The following PDE1C variants were observed in gnomAD, a reference collection of about 807,000 sequenced individuals.
PDE1C encodes the protein dual specificity calcium/calmodulin-dependent 3',5'-cyclic nucleotide phosphodiesterase 1C.
In PDE1C, 62 loss-of-function variants were observed where a neutral mutation model predicts 93.1. The observed-to-expected ratio is 0.67, with a 90% CI of 0.54 to 0.82. PDE1C has a LOEUF of 0.82. Ranked by LOEUF, PDE1C falls within the 40% of genes least tolerant of loss-of-function variation. The pLI, the probability that PDE1C is intolerant of heterozygous loss-of-function variation, is 0.00. For synonymous variants in PDE1C, 325 were observed against 310.1 expected, an observed-to-expected ratio of 1.05 and a Z score of -0.50; for missense variants, 742 against 884.6, an observed-to-expected ratio of 0.84 and a Z score of 2.04.
chr7:31,670,276 G>T, the PDE1C span, among the ~76,000 whole-genome samples: 6 of 152,186 alleles, frequency 3.9e-5, no homozygotes, highest in Non-Finnish European at 8.8e-5. Flanking sequence ...CATGTCCTTT[G>T]ACCACCATTC....
the PDE1C span, among the ~76,000 whole-genome samples, chr7:31,744,457 G>A: frequency 2.6e-5 from 4 of 152,126 alleles, no homozygotes; most frequent in East Asian, 1.9e-4. Context: ...TGAAACTCAT[G>A]CCTCTACAGG....
chr7:32,019,384 TATG>T (rs940272142), intron 2 of PDE1C, among the ~76,000 whole-genome samples: 3 of 152,036 alleles, frequency 2.0e-5, no homozygotes, highest in Non-Finnish European at 4.4e-5. Flanking sequence ...ACACATACAA[TATG>T]GTTGGTGCAC....
rs1029616900 is a variant in PDE1C at position 32,140,354 on chromosome 7, A to T, written c.308+29431T>A. On this transcript the variant is annotated intron_variant, in intron 3 of 18. Coordinates refer to the PDE1C transcript ENST00000396193. ...TTCTCTTCCAGCCTCTGCCTCTTAG[A>T]ACCGTATGTCACAAAGAGCATGTGA... 2.6e-5 allele frequency among the ~76,000 whole-genome samples: 4 copies of T among 152,326 alleles called. No homozygotes were observed. The South Asian group carries it at 8.3e-4, about 32-fold the overall frequency.
At chr7:31,661,893 A>AT in the PDE1C span, among the ~76,000 whole-genome samples, 1 of 151,160 alleles carries the variant, frequency 6.6e-6, no homozygotes, top group African/African-American at 2.4e-5. Context: ...TTCTTTTTCC[A>AT]TTTTTCCTGA....
chr7:32,272,687 T>G (rs62457494), intron 1 of PDE1C, among the ~76,000 whole-genome samples: 14,809 of 152,284 alleles, frequency 0.097, 765 homozygotes, highest in Non-Finnish European at 0.1. Flanking sequence ...ATGAAATGAC[T>G]TAACGATTGT....
At chr7:32,143,468 C>A (rs1309932739) in intron 3 of PDE1C, among the ~76,000 whole-genome samples, 1 of 151,966 alleles carries the variant, frequency 6.6e-6, no homozygotes, top group Non-Finnish European at 1.5e-5. Flanking sequence ...CTGACCGTGA[C>A]TTTACGTGAC....
At chr7:31,782,781 A>G (rs1783529375) in intron 16 of PDE1C, among the ~76,000 whole-genome samples, 1 of 152,212 alleles carries the variant, frequency 6.6e-6, no homozygotes, top group Non-Finnish European at 1.5e-5. Context: ...CTCAGAAGAA[A>G]CCGTATATAA....
chr7:32,060,840 G>T (rs1487021728), intron 1 of PDE1C, among the ~76,000 whole-genome samples: 7 of 152,104 alleles, frequency 4.6e-5, no homozygotes, highest in African/African-American at 9.7e-5. Context: ...AGCTAGGAAA[G>T]GCCTTATTTA....
At chr7:32,063,086 G>A (rs1441567491) in intron 1 of PDE1C, among the ~76,000 whole-genome samples, 2 of 152,092 alleles carry the variant, frequency 1.3e-5, no homozygotes, top group Non-Finnish European at 2.9e-5. Context: ...CACTTTACAC[G>A]AATTCAGTAT....
At chr7:32,396,615 A>C (rs1215408181) in intron 1 of PDE1C, among the ~76,000 whole-genome samples, 1 of 152,220 alleles carries the variant, frequency 6.6e-6, no homozygotes, top group Non-Finnish European at 1.5e-5. Context: ...TAAGAGATGG[A>C]TAAGTATGTG....
chr7:32,155,878 A>G (rs1801539802), intron 3 of PDE1C, among the ~76,000 whole-genome samples: 1 of 152,130 alleles, frequency 6.6e-6, no homozygotes, highest in African/African-American at 2.4e-5. Context: ...ATTAAGACAA[A>G]CAGAACGCTC....
chr7:32,284,402 T>C (rs1811869288), intron 1 of PDE1C, among the ~76,000 whole-genome samples: 1 of 152,202 alleles, frequency 6.6e-6, no homozygotes, highest in Non-Finnish European at 1.5e-5. Context: ...TCAAAAGAGT[T>C]GGAAAATTAA....
At chr7:31,927,826 T>C (rs1228933794) in intron 2 of PDE1C, among the ~76,000 whole-genome samples, 1 of 152,098 alleles carries the variant, frequency 6.6e-6, no homozygotes, top group Non-Finnish European at 1.5e-5. Context: ...TCCACGAAGA[T>C]GAGGAAAAAC....
chr7:32,166,342 G>T lies in PDE1C; in HGVS notation c.308+3443C>A, dbSNP rs934252839. Among the ~76,000 whole-genome samples, 3 of 152,140 alleles carry T rather than the reference G, an allele frequency of 2.0e-5. No homozygotes were observed. In the East Asian group the frequency reaches 5.8e-4, roughly 29 times the overall value. On this transcript the variant is annotated intron_variant, in intron 3 of 18. Coordinates refer to the PDE1C transcript ENST00000396193. ...GATAGCTTAAAATGTTTGTTTCTTGGAGAGTAAAGACTAAAGCCCTTGGTA... is the reference window on the plus strand; with the variant it reads ...GATAGCTTAAAATGTTTGTTTCTTGTAGAGTAAAGACTAAAGCCCTTGGTA...
chr7:31,858,386 T>C (rs1794279472), intron 7 of PDE1C, among the ~76,000 whole-genome samples: 1 of 152,084 alleles, frequency 6.6e-6, no homozygotes. Flanking sequence ...CTCAGGAGGG[T>C]GGCTGTTTAG....
chr7:32,029,601 G>C (rs1789996882), intron 2 of PDE1C, among the ~76,000 whole-genome samples: 1 of 151,938 alleles, frequency 6.6e-6, no homozygotes. Context: ...AGGCAGAGAG[G>C]AAAGAAAGAA....
At chr7:32,069,547 AC>A (rs1795782090) in intron 1 of PDE1C, among the ~76,000 whole-genome samples, 1 of 152,106 alleles carries the variant, frequency 6.6e-6, no homozygotes, top group Non-Finnish European at 1.5e-5. Flanking sequence ...CCAGCAGTTC[AC>A]TGATGATGAA....
chr7:32,005,224 C>T (rs1437286420), intron 2 of PDE1C, among the ~76,000 whole-genome samples: 2 of 152,140 alleles, frequency 1.3e-5, no homozygotes, highest in Non-Finnish European at 2.9e-5. Flanking sequence ...CAAGTGCCCA[C>T]TCACATCATC....
chr7:31,643,060 C>T, the PDE1C span: 9 of 1,614,026 alleles, frequency 5.6e-6, no homozygotes, highest in Non-Finnish European at 6.8e-6. Context: ...CAAATATGAT[C>T]ATCCTCTGGG....
Sources: gnomAD v4.1 joint callset for allele counts (sites outside exome capture counted in the v4.1 genomes callset) on GRCh38, gnomAD v4.1.1 for gene constraint, MANE v1.5 for transcripts, NCBI Gene and HGNC (gene_info 2026-07-23, HGNC 2026-07-21) for gene names.